Variants in TRPM3 observed in about 807,000 individuals in gnomAD.
TRPM3 encodes long transient receptor potential channel 3.
In TRPM3, 77 loss-of-function variants were observed where a neutral mutation model predicts 181.2. The ratio of observed to expected loss-of-function variants is 0.42; its 90% CI spans 0.35 to 0.51. The LOEUF (loss-of-function observed/expected upper bound fraction) is 0.51, where lower values mean the gene tolerates loss of function less well. Among genes scored for constraint, TRPM3 ranks in the 20% least tolerant of loss-of-function variants. The pLI is 0.01. For synonymous variants in TRPM3, 745 were observed against 796.4 expected (o/e 0.94, Z 1.09); for missense variants, 1,759 against 2,196.7 (o/e 0.80, Z 3.98).
intron 1 of TRPM3, among the ~76,000 whole-genome samples, chr9:71,428,542 G>A (rs1054624172): frequency 6.6e-6 from 1 of 152,038 alleles, no homozygotes; most frequent in Non-Finnish European, 1.5e-5. Context: ...AGAATTTCTG[G>A]ACATGTGCTT....
chr9:70,841,941 G>C (rs2094694861), intron 5 of TRPM3, among the ~76,000 whole-genome samples: 1 of 151,774 alleles, frequency 6.6e-6, no homozygotes, highest in Non-Finnish European at 1.5e-5. Context: ...AGTGGGAGGG[G>C]TGAGGGCTGA....
At chr9:70,636,854 A>C (rs1401271790) in intron 11 of TRPM3, among the ~76,000 whole-genome samples, 1 of 151,736 alleles carries the variant, frequency 6.6e-6, no homozygotes, top group East Asian at 1.9e-4. Context: ...TGCCCAGCTA[A>C]ATTTTGTATT....
intron 1 of TRPM3, among the ~76,000 whole-genome samples, chr9:71,325,442 T>C (rs896924842): frequency 9.2e-5 from 14 of 152,054 alleles, no homozygotes; most frequent in Non-Finnish European, 1.6e-4. Context: ...AAGAGAAAAG[T>C]GTTCCCCTAT....
intron 1 of TRPM3, among the ~76,000 whole-genome samples, chr9:71,219,819 CAG>C (rs2080120317): frequency 6.6e-6 from 1 of 152,170 alleles, no homozygotes; most frequent in Admixed American, 6.5e-5. Context: ...GCATTCAAGT[CAG>C]GGGGTCATAG....
At position 70,643,615 on chromosome 9, in the gene TRPM3, C is replaced by T. The variant is rs185779963; in HGVS notation, c.1346-2955G>A. ...GCCATCCAGGCTTGCCCAGTGTAGT[C>T]ACAGTGTTAGCATTTAAATTCCTGC... On this transcript the variant is annotated intron_variant, in intron 9 of 25. Transcript: ENST00000677713. Among the ~76,000 whole-genome samples the T allele has an allele frequency of 2.7e-4, 41 of 152,234 alleles. No homozygotes were observed. In the East Asian group the frequency reaches 7.5e-3, roughly 28 times the overall value.
At chr9:71,252,513 G>A (rs1373003612) in intron 1 of TRPM3, among the ~76,000 whole-genome samples, 1 of 152,128 alleles carries the variant, frequency 6.6e-6, no homozygotes, top group Non-Finnish European at 1.5e-5. Context: ...GCACTTTCCA[G>A]GACCAACTTA....
chr9:71,248,532 T>C (rs1395964925), intron 1 of TRPM3, among the ~76,000 whole-genome samples: 1 of 152,222 alleles, frequency 6.6e-6, no homozygotes, highest in African/African-American at 2.4e-5. Flanking sequence ...CATATCTCAG[T>C]CCTTCTTTTT....
chr9:70,933,378 AT>A, intron 1 of TRPM3, among the ~76,000 whole-genome samples: 1 of 152,346 alleles, frequency 6.6e-6, no homozygotes, highest in Middle Eastern at 3.4e-3. Context: ...TAACTCTAAC[AT>A]TTAAGGATTA....
At chr9:71,277,131 T>TA (rs1167272759) in intron 1 of TRPM3, among the ~76,000 whole-genome samples, 2 of 88,814 alleles carry the variant, frequency 2.3e-5, no homozygotes, top group African/African-American at 6.8e-5. Flanking sequence ...AAAAAGCTTA[T>TA]TTTTTTTAAA....
chr9:70,667,325 G>C (rs553313278), intron 9 of TRPM3, among the ~76,000 whole-genome samples: 8 of 152,202 alleles, frequency 5.3e-5, no homozygotes, highest in African/African-American at 1.7e-4. Flanking sequence ...TATTTCTTGG[G>C]AAGATCAAAA....
At chr9:70,880,824 TAAGTCACTC>T (rs2095977293) in intron 1 of TRPM3, among the ~76,000 whole-genome samples, 1 of 152,148 alleles carries the variant, frequency 6.6e-6, no homozygotes, top group African/African-American at 2.4e-5. Flanking sequence ...ATATGAAGCC[TAAGTCACTC>T]AATTAGTGCT....
intron 1 of TRPM3, among the ~76,000 whole-genome samples, chr9:70,941,137 G>A (rs1250062176): frequency 6.6e-6 from 1 of 152,156 alleles, no homozygotes; most frequent in Non-Finnish European, 1.5e-5. Flanking sequence ...CTGAGAGGGT[G>A]TTGCCAAAGG....
chr9:71,378,857 A>G (rs1039966249), intron 1 of TRPM3, among the ~76,000 whole-genome samples: 2 of 152,046 alleles, frequency 1.3e-5, no homozygotes, highest in African/African-American at 4.8e-5. Context: ...ATTATATATT[A>G]TTGAATAATT....
At chr9:71,434,549 A>ATTTATTTAGTT (rs1371392107) in intron 1 of TRPM3, among the ~76,000 whole-genome samples, 4 of 152,206 alleles carry the variant, frequency 2.6e-5, no homozygotes, top group Non-Finnish European at 4.4e-5. Flanking sequence ...TGTGACAGAT[A>ATTTATTTAGTT]TTCTAGGGAA....
At chr9:71,366,817 G>A (rs2092350775) in intron 1 of TRPM3, among the ~76,000 whole-genome samples, 2 of 151,750 alleles carry the variant, frequency 1.3e-5, no homozygotes, top group African/African-American at 4.9e-5. Flanking sequence ...ATCTCTAATA[G>A]ATAAAATTTG....
chr9:71,031,971 A>ATT (rs1565021112), intron 1 of TRPM3, among the ~76,000 whole-genome samples: 4 of 88 alleles, frequency 0.045, no homozygotes, highest in Non-Finnish European at 0.069. Context: ...ATATATATAT[A>ATT]TTATATATAT....
At chr9:71,353,026 C>T (rs533826695) in intron 1 of TRPM3, among the ~76,000 whole-genome samples, 4 of 152,232 alleles carry the variant, frequency 2.6e-5, no homozygotes, top group East Asian at 1.9e-4. Flanking sequence ...AAATCAGAAT[C>T]GCAACTGATG....
At chr9:70,613,328 C>T (rs945576185) in intron 18 of TRPM3, among the ~76,000 whole-genome samples, 2 of 152,164 alleles carry the variant, frequency 1.3e-5, no homozygotes, top group Non-Finnish European at 2.9e-5. Context: ...GATGTCAAGG[C>T]TGAGAAAGTT....
chr9:70,819,185 C>A (rs556041434), intron 6 of TRPM3, among the ~76,000 whole-genome samples: 2 of 152,244 alleles, frequency 1.3e-5, no homozygotes, highest in South Asian at 4.1e-4. Flanking sequence ...GACTGTCCTG[C>A]ATATTGTAGG....
Sources: gnomAD v4.1 joint callset for allele counts (sites outside exome capture counted in the v4.1 genomes callset) on GRCh38, gnomAD v4.1.1 for gene constraint, MANE v1.5 for transcripts, NCBI Gene and HGNC (gene_info 2026-07-23, HGNC 2026-07-21) for gene names.